The following FAM171A1 variants were observed in gnomAD, a reference collection of about 807,000 sequenced individuals.
FAM171A1 encodes the protein protein FAM171A1.
In FAM171A1, 23 loss-of-function variants were observed where a neutral mutation model predicts 74.9. The observed-to-expected ratio is 0.31, with a 90% CI of 0.22 to 0.44. FAM171A1 has a LOEUF of 0.44. FAM171A1 is among the 20% of genes least tolerant of loss of function. The probability of loss-of-function intolerance (pLI) is 1.00; values close to 1 mark genes in which losing one functional copy is unlikely to be tolerated. For missense variants in FAM171A1, 1,162 were observed against 1,159.2 expected (o/e 1.00, Z -0.03); for synonymous variants, 527 against 505.7 (o/e 1.04, Z -0.57).
intron 1 of FAM171A1, among the ~76,000 whole-genome samples, chr10:15,362,465 G>A (rs1430222083): frequency 2.6e-5 from 4 of 152,226 alleles, no homozygotes; most frequent in Non-Finnish European, 5.9e-5. Context: ...CAGCACTTTG[G>A]GAGGCTGAGG....
chr10:15,286,523 C>T (rs1835037217), intron 1 of FAM171A1, among the ~76,000 whole-genome samples: 2 of 152,084 alleles, frequency 1.3e-5, no homozygotes, highest in Admixed American at 1.3e-4. Flanking sequence ...GTCAGGTGAT[C>T]CACCCACCTC....
intron 5 of FAM171A1, among the ~76,000 whole-genome samples, chr10:15,244,452 G>C (rs542152775): frequency 1.9e-4 from 29 of 152,336 alleles, no homozygotes; most frequent in African/African-American, 6.3e-4. Context: ...TCTTGAGATA[G>C]AGACTGTAGT....
At position 15,214,424 on chromosome 10, in the gene FAM171A1, G is replaced by A. The variant is rs1452995551; in HGVS notation, c.1164C>T (p.Pro388=). 5.0e-6 allele frequency: 8 copies of A among 1,613,842 alleles called. No individual in the cohort carries two copies. Among genetic ancestry groups the A allele is most frequent in the East Asian group, 2.2e-5 (1 of 44,890 alleles). The part of the protein sequence containing the change: ...SVTSHGRPEA[P]GTKELMSGVH... Reference sequence around the variant, plus strand: ...CTCCACTCATCAGTTCCTTCGTGCCGGGGGCCTCGGGGCGGCCGTGGCTGG... The same window carrying A: ...CTCCACTCATCAGTTCCTTCGTGCCAGGGGCCTCGGGGCGGCCGTGGCTGG... The change falls in exon 8 of 8, where the codon CCC becomes CCT. Residue 388 remains proline, a synonymous_variant. Transcript: ENST00000378116.
At chr10:15,330,896 A>AT (rs200136317) in intron 1 of FAM171A1, among the ~76,000 whole-genome samples, 10,606 of 133,956 alleles carry the variant, frequency 0.079, 487 homozygotes, top group Middle Eastern at 0.12. Flanking sequence ...TTTTTATTTT[A>AT]TTTTTTTTTT....
intron 1 of FAM171A1, among the ~76,000 whole-genome samples, chr10:15,293,568 T>C (rs1835126981): frequency 2.0e-5 from 3 of 151,032 alleles, no homozygotes; most frequent in Admixed American, 2.0e-4. Flanking sequence ...TATATATATA[T>C]ATAGCAAAGA....
At chr10:15,280,866 A>AT (rs1834959618) in intron 2 of FAM171A1, among the ~76,000 whole-genome samples, 2 of 152,146 alleles carry the variant, frequency 1.3e-5, no homozygotes, top group Non-Finnish European at 2.9e-5. Flanking sequence ...AATAGGCTAA[A>AT]TTTTTTTGTC....
intron 1 of FAM171A1, among the ~76,000 whole-genome samples, chr10:15,328,691 C>T (rs1224472188): frequency 6.6e-6 from 1 of 152,132 alleles, no homozygotes; most frequent in Non-Finnish European, 1.5e-5. Context: ...CCTTGATTTC[C>T]TCACCTATTT....
intron 1 of FAM171A1, among the ~76,000 whole-genome samples, chr10:15,332,580 C>T (rs767220349): frequency 6.6e-6 from 1 of 152,122 alleles, no homozygotes; most frequent in Non-Finnish European, 1.5e-5. Context: ...AAATAAAAGG[C>T]CTTCATATGA....
intron 1 of FAM171A1, among the ~76,000 whole-genome samples, chr10:15,320,052 T>C (rs912406099): frequency 6.6e-6 from 1 of 152,186 alleles, no homozygotes; most frequent in East Asian, 1.9e-4. Context: ...GAGAATTTAG[T>C]ATGCAGGTTA....
At chr10:15,357,896 AACCT>A (rs777176596) in intron 1 of FAM171A1, among the ~76,000 whole-genome samples, 92 of 152,328 alleles carry the variant, frequency 6.0e-4, no homozygotes, top group Non-Finnish European at 1.2e-3. Context: ...GAAAAATAAA[AACCT>A]ATTACGGTCC....
chr10:15,255,774 A>C (rs1834572718), intron 3 of FAM171A1, among the ~76,000 whole-genome samples: 2 of 151,708 alleles, frequency 1.3e-5, no homozygotes, highest in Admixed American at 6.6e-5. Flanking sequence ...CAGTCTCCCA[A>C]GTAGCTGGGA....
chr10:15,361,563 G>T (rs1835994685), intron 1 of FAM171A1, among the ~76,000 whole-genome samples: 1 of 152,098 alleles, frequency 6.6e-6, no homozygotes, highest in Non-Finnish European at 1.5e-5. Context: ...TGCACCTGTA[G>T]TCCCAGCTAC....
chr10:15,241,441 G>GC (rs1424443446), intron 5 of FAM171A1: 1 of 152,118 alleles, frequency 6.6e-6, no homozygotes, highest in Admixed American at 6.6e-5. Context: ...AGTTTCTGTT[G>GC]CAATGATTCA....
At chr10:15,309,864 G>A (rs1835340297) in intron 1 of FAM171A1, among the ~76,000 whole-genome samples, 1 of 152,154 alleles carries the variant, frequency 6.6e-6, no homozygotes, top group South Asian at 2.1e-4. Flanking sequence ...CAAACTTTCA[G>A]TGATCATTAA....
intron 1 of FAM171A1, among the ~76,000 whole-genome samples, chr10:15,298,655 A>G (rs1301908167): frequency 6.6e-6 from 1 of 152,230 alleles, no homozygotes; most frequent in Non-Finnish European, 1.5e-5. Context: ...CCATAGTTCC[A>G]ACTTTTAAGA....
intron 4 of FAM171A1, among the ~76,000 whole-genome samples, chr10:15,251,569 AT>A (rs1265182125): frequency 2.0e-5 from 3 of 150,284 alleles, no homozygotes; most frequent in Non-Finnish European, 3.0e-5. Flanking sequence ...CTCCTTGCTA[AT>A]TTTTTTTTCT....
chr10:15,327,429 C>T (rs1161125340), intron 1 of FAM171A1, among the ~76,000 whole-genome samples: 1 of 152,154 alleles, frequency 6.6e-6, no homozygotes, highest in East Asian at 1.9e-4. Flanking sequence ...GCAGGCAGAT[C>T]GCTTGAGCCC....
intron 3 of FAM171A1, among the ~76,000 whole-genome samples, chr10:15,273,566 A>T (rs1834855141): frequency 6.6e-6 from 1 of 152,356 alleles, no homozygotes; most frequent in East Asian, 1.9e-4. Context: ...TCCTGATGCC[A>T]AAGCCTGGCA....
Position 15,243,831 on chromosome 10 carries a change from C to T in FAM171A1, c.754+4808G>A, listed in dbSNP as rs983620013. 2.0e-5 allele frequency among the ~76,000 whole-genome samples: 3 copies of T among 149,834 alleles called. No individual in the cohort carries two copies. The South Asian group carries it at 6.3e-4, about 32-fold the overall frequency. ...TTGACTGAGCAGCTCACCGCAAGCT[C>T]TGCCTCCCGGGTTTACTTACGCCAT... On this transcript the variant is annotated intron_variant, in intron 5 of 7. Transcript: ENST00000378116.
Sources: allele counts gnomAD v4.1 joint callset (sites outside exome capture counted in the v4.1 genomes callset), GRCh38; gene constraint gnomAD v4.1.1; transcripts MANE v1.5; gene names NCBI Gene and HGNC (gene_info 2026-07-23, HGNC 2026-07-21).